Variants in GIPC2 observed in about 807,000 individuals in gnomAD.
GIPC2 encodes GIPC PDZ domain containing family member 2, also known as PDZ domain-containing protein GIPC2.
GIPC2 carries 30 observed loss-of-function variants against 30.6 expected under a neutral mutation model. That is an observed-to-expected ratio of 0.98 (90% CI 0.73 to 1.33). The LOEUF (loss-of-function observed/expected upper bound fraction) is 1.33, where lower values mean the gene tolerates loss of function less well. Ranked by LOEUF, GIPC2 falls within the 40% of genes most tolerant of loss-of-function variation. GIPC2 has a pLI of 0.00. For missense variants in GIPC2, 414 were observed against 390.3 expected (o/e 1.06, Z -0.51); for synonymous variants, 167 against 150.0 (o/e 1.11, Z -0.83).
At chr1:78,094,157 G>A (rs1571503361) in intron 2 of GIPC2, among the ~76,000 whole-genome samples, 1 of 152,170 alleles carries the variant, frequency 6.6e-6, no homozygotes, top group East Asian at 1.9e-4. Context: ...AGGCGTCTTA[G>A]CTAAGATGGT....
At chr1:78,101,298 G>A (rs1026721690) in intron 3 of GIPC2, among the ~76,000 whole-genome samples, 2 of 152,160 alleles carry the variant, frequency 1.3e-5, no homozygotes, top group Non-Finnish European at 2.9e-5. Context: ...GGGCTCTGAG[G>A]GAGGAATAAA....
chr1:78,106,580 C>CAAAACA (rs1662358091), intron 3 of GIPC2, among the ~76,000 whole-genome samples: 1 of 152,018 alleles, frequency 6.6e-6, no homozygotes, highest in Admixed American at 6.6e-5. Context: ...CAAAACAAAA[C>CAAAACA]AAAACAAAAA....
At position 78,091,562 on chromosome 1, in the gene GIPC2, G is replaced by A. The variant is rs113679980; in HGVS notation, c.427-3390G>A. 4,791 of 756,714 alleles carry A rather than the reference G, an allele frequency of 6.3e-3. 165 individuals are homozygous for A. In the African/African-American group the frequency reaches 0.073, roughly 11 times the overall value. 46.9% of individuals were successfully genotyped at this position (756,714 alleles called of 1,614,324 possible). Reference sequence around the variant, plus strand: ...GGACCTGCTCCTGCAGGATTTCAGCGGCAACCTCTCGGCCAAGTCCTTCGC... The same window carrying A: ...GGACCTGCTCCTGCAGGATTTCAGCAGCAACCTCTCGGCCAAGTCCTTCGC... On this transcript the variant is annotated intron_variant, in intron 2 of 5. Transcript: ENST00000370759.
chr1:78,080,419 G>A (rs1258256913), intron 1 of GIPC2, among the ~76,000 whole-genome samples: 4 of 152,160 alleles, frequency 2.6e-5, no homozygotes, highest in Non-Finnish European at 4.4e-5. Flanking sequence ...TTACTGTAAA[G>A]ATGAAGTGAG....
intron 1 of GIPC2, among the ~76,000 whole-genome samples, chr1:78,071,363 G>C (rs1212546235): frequency 6.6e-6 from 1 of 152,012 alleles, no homozygotes; most frequent in Admixed American, 6.5e-5. Flanking sequence ...ATTATAAATA[G>C]TTATATTATG....
chr1:78,103,631 C>G (rs575896779), intron 3 of GIPC2, among the ~76,000 whole-genome samples: 2 of 152,098 alleles, frequency 1.3e-5, no homozygotes, highest in Non-Finnish European at 2.9e-5. Context: ...TGTTTGCTCT[C>G]GAGGCTTGTG....
At chr1:78,103,949 C>CT (rs1276701606) in intron 3 of GIPC2, among the ~76,000 whole-genome samples, 1 of 152,192 alleles carries the variant, frequency 6.6e-6, no homozygotes, top group Non-Finnish European at 1.5e-5. Flanking sequence ...CTTTTAAGTG[C>CT]TGTGGCTTTG....
In GIPC2 at chr1:78,136,561, G is replaced by T. The variant is rs1571537343; in HGVS notation, c.*818G>T. 7.5e-6 allele frequency: 1 copy of T among 133,372 alleles called. No individual in the cohort carries two copies. Among genetic ancestry groups the T allele is most frequent in the African/African-American group, 2.8e-5 (1 of 36,030 alleles). 8.3% of individuals were successfully genotyped at this position (133,372 alleles called of 1,614,324 possible). ...TCCAGGGAAGATTTTATATTTTTTT[G>T]TAGAGTTTTTGGAAAGATATTTACT... On this transcript the variant is annotated 3_prime_UTR_variant, in exon 6 of 6. Coordinates refer to ENST00000370759, the MANE Select transcript of GIPC2 (RefSeq NM_017655.6).
At chr1:78,132,424 A>G (rs1426500274) in intron 5 of GIPC2, among the ~76,000 whole-genome samples, 1 of 152,184 alleles carries the variant, frequency 6.6e-6, no homozygotes, top group African/African-American at 2.4e-5. Flanking sequence ...CTGTGCCAGA[A>G]TGAGTGCATG....
At chr1:78,129,383 C>T (rs1283687114) in intron 5 of GIPC2, among the ~76,000 whole-genome samples, 1 of 152,100 alleles carries the variant, frequency 6.6e-6, no homozygotes, top group Admixed American at 6.5e-5. Context: ...CTCAGTATTT[C>T]TTAGCTTTCA....
chr1:78,082,696 T>C (rs755965528), intron 2 of GIPC2, among the ~76,000 whole-genome samples: 2 of 152,202 alleles, frequency 1.3e-5, no homozygotes, highest in South Asian at 4.1e-4. Context: ...TGTGGAGATA[T>C]AGGGCATGTT....
intron 2 of GIPC2, among the ~76,000 whole-genome samples, chr1:78,088,707 A>G (rs1203612177): frequency 1.3e-5 from 2 of 151,986 alleles, no homozygotes; most frequent in Non-Finnish European, 2.9e-5. Context: ...AGCTGGGTAT[A>G]GTGGCATGCA....
At chr1:78,106,355 T>C (rs1370587880) in intron 3 of GIPC2, among the ~76,000 whole-genome samples, 1 of 151,828 alleles carries the variant, frequency 6.6e-6, no homozygotes, top group Non-Finnish European at 1.5e-5. Context: ...GTCAGGAGAT[T>C]GAGACCATCC....
chr1:78,103,982 G>A (rs1044031221), intron 3 of GIPC2, among the ~76,000 whole-genome samples: 1 of 152,214 alleles, frequency 6.6e-6, no homozygotes, highest in Non-Finnish European at 1.5e-5. Context: ...AAAGGCCCTT[G>A]TACACACTGG....
intron 1 of GIPC2, among the ~76,000 whole-genome samples, chr1:78,068,366 G>A (rs1661559583): frequency 6.6e-6 from 1 of 152,212 alleles, no homozygotes; most frequent in Admixed American, 6.5e-5. Context: ...CAGGATTGGG[G>A]CATGTGGGGA....
chr1:78,135,705 TG>T lies in GIPC2; in HGVS notation c.914del (p.Gly305GlufsTer47). On this transcript the variant is annotated frameshift_variant, in exon 6 of 6. Coordinates refer to ENST00000370759, the MANE Select transcript of GIPC2 (RefSeq NM_017655.6). LOFTEE classifies it high-confidence loss of function. ...AFPDEFVFDV[W>X]GVIGDAKRRG... Reference sequence around the variant, plus strand: ...CCCAGACGAATTTGTCTTTGATGTTTGGGGAGTCATTGGTGATGCCAAACGA... The same window carrying T: ...CCCAGACGAATTTGTCTTTGATGTTTGGGAGTCATTGGTGATGCCAAACGA... The T allele has an allele frequency of 6.2e-7, 1 of 1,613,874 alleles. No individual in the cohort carries two copies. The highest frequency in any genetic ancestry group is 1.1e-5 in the South Asian group (1 of 91,008).
chr1:78,085,123 G>C (rs936111697), intron 2 of GIPC2, among the ~76,000 whole-genome samples: 2 of 152,168 alleles, frequency 1.3e-5, no homozygotes, highest in African/African-American at 4.8e-5. Context: ...CTAGTTTGAT[G>C]AGAGTTTTTA....
rs1161572713 is a variant in GIPC2 at position 78,064,970 on chromosome 1, C to G, written c.241-15705C>G. On this transcript the variant is annotated intron_variant, in intron 1 of 5. Transcript: ENST00000370759. Reference sequence around the variant, plus strand: ...ATGTTGGCCAGGCTGGTCTCAAACTCCTGACCTCAAGTAATCTGCCTGCCT... The same window carrying G: ...ATGTTGGCCAGGCTGGTCTCAAACTGCTGACCTCAAGTAATCTGCCTGCCT... Among the ~76,000 whole-genome samples the G allele has an allele frequency of 2.6e-5, 4 of 152,024 alleles. No homozygotes were observed. In the East Asian group the frequency reaches 5.8e-4, roughly 22 times the overall value.
Position 78,135,892 on chromosome 1 carries a change from A to G in GIPC2, c.*149A>G. 1.6e-6 allele frequency: 1 copy of G among 606,402 alleles called. No individual in the cohort carries two copies. Among genetic ancestry groups the G allele is most frequent in the Non-Finnish European group, 2.6e-6 (1 of 377,516 alleles). 37.6% of individuals were successfully genotyped at this position (606,402 alleles called of 1,614,324 possible). ...ATATTCTTTGAAATATAATTTTGGT[A>G]ATTTTGATTTCTGGGCACTTTTTAA... is the stretch of plus-strand genomic sequence containing the variant. On this transcript the variant is annotated 3_prime_UTR_variant, in exon 6 of 6. Coordinates refer to ENST00000370759, the MANE Select transcript of GIPC2 (RefSeq NM_017655.6).
Sources: gnomAD v4.1 joint callset for allele counts (sites outside exome capture counted in the v4.1 genomes callset) on GRCh38, gnomAD v4.1.1 for gene constraint, MANE v1.5 for transcripts, NCBI Gene and HGNC (gene_info 2026-07-23, HGNC 2026-07-21) for gene names.